Variants in ZNF18 observed in about 807,000 individuals in gnomAD.
The protein encoded by ZNF18 is zinc finger protein 18.
A neutral mutation model predicts 58.1 loss-of-function variants in ZNF18; 42 were observed. The observed-to-expected ratio is 0.72, with a 90% CI of 0.56 to 0.93. The LOEUF is 0.93. ZNF18 is among the 40% of genes least tolerant of loss of function. ZNF18 has a pLI of 0.00. For synonymous variants in ZNF18, 231 were observed against 239.8 expected, an observed-to-expected ratio of 0.96 and a Z score of 0.34; for missense variants, 540 against 644.2, an observed-to-expected ratio of 0.84 and a Z score of 1.75.
At chr17:12,010,620 GTT>G in the ZNF18 span, 1 of 153,618 alleles carries the variant, frequency 6.5e-6, no homozygotes, top group African/African-American at 2.4e-5. Context: ...GTTTCAGCAT[GTT>G]GGCCAGGATG....
At chr17:12,009,043 T>G in the ZNF18 span, 2 of 152,206 alleles carry the variant, frequency 1.3e-5, no homozygotes, top group East Asian at 3.9e-4. Context: ...CAGTGTTCAC[T>G]GGAGGAAATG....
chr17:12,013,636 G>T, the ZNF18 span, among the ~76,000 whole-genome samples: 3 of 152,152 alleles, frequency 2.0e-5, no homozygotes, highest in Admixed American at 2.0e-4. Flanking sequence ...CCTAATTTAG[G>T]TTTTTTCATT....
At chr17:12,013,689 G>A in the ZNF18 span, among the ~76,000 whole-genome samples, 1 of 151,962 alleles carries the variant, frequency 6.6e-6, no homozygotes, top group African/African-American at 2.4e-5. Flanking sequence ...TTTTTGTTGG[G>A]TATTCTTTAT....
chr17:11,999,253 T>C (rs1968616799), upstream of ZNF18, among the ~76,000 whole-genome samples: 1 of 152,240 alleles, frequency 6.6e-6, no homozygotes, highest in Non-Finnish European at 1.5e-5. Context: ...TTTGTGAATC[T>C]GATGGAAGGT....
At chr17:12,012,278 T>C in the ZNF18 span, among the ~76,000 whole-genome samples, 1 of 152,338 alleles carries the variant, frequency 6.6e-6, no homozygotes, top group Admixed American at 6.5e-5. Flanking sequence ...TAACAATATA[T>C]ATTGATAGTC....
At chr17:12,020,877 A>T in the ZNF18 span, 1 of 1,179,404 alleles carries the variant, frequency 8.5e-7, no homozygotes, top group African/African-American at 1.6e-5. Context: ...TCGGCTCTTC[A>T]CTCCCAACAA....
At chr17:12,009,451 T>C in the ZNF18 span, among the ~76,000 whole-genome samples, 2 of 151,614 alleles carry the variant, frequency 1.3e-5, no homozygotes. Flanking sequence ...CTTTTTTTTT[T>C]TTTTTCTTTT....
At chr17:12,013,505 G>T in the ZNF18 span, among the ~76,000 whole-genome samples, 4 of 152,064 alleles carry the variant, frequency 2.6e-5, no homozygotes, top group Non-Finnish European at 5.9e-5. Context: ...TAAAGTTTGA[G>T]CTATGGATTC....
intron 1 of ZNF18, among the ~76,000 whole-genome samples, chr17:11,994,383 T>C (rs943799017): frequency 2.0e-5 from 3 of 152,038 alleles, no homozygotes; most frequent in African/African-American, 7.3e-5. Context: ...ATGCAGGAGA[T>C]AGGGGCGCCA....
the ZNF18 span, among the ~76,000 whole-genome samples, chr17:12,018,962 A>T: frequency 6.7e-6 from 1 of 150,374 alleles, no homozygotes; most frequent in Non-Finnish European, 1.5e-5. Flanking sequence ...ATATATACAT[A>T]TTTTTTTTAA....
intron 4 of ZNF18, among the ~76,000 whole-genome samples, chr17:11,988,013 A>T (rs1014564453): frequency 3.9e-5 from 6 of 152,158 alleles, no homozygotes; most frequent in African/African-American, 1.4e-4. Flanking sequence ...TCCCAAGAGG[A>T]GTTCCTTCAA....
At chr17:12,017,862 A>C in the ZNF18 span, among the ~76,000 whole-genome samples, 4 of 147,392 alleles carry the variant, frequency 2.7e-5, no homozygotes, top group Middle Eastern at 7.0e-3. Context: ...GGGCAACAAG[A>C]GCGAAACACC....
the ZNF18 span, among the ~76,000 whole-genome samples, chr17:12,004,684 C>A: frequency 6.6e-6 from 1 of 152,006 alleles, no homozygotes; most frequent in Admixed American, 6.6e-5. Context: ...GTTGGGAGTT[C>A]GAAGCCAGCC....
At chr17:11,999,873 C>A (rs76994022), upstream of ZNF18, among the ~76,000 whole-genome samples, 1 of 152,154 alleles carries the variant, frequency 6.6e-6, no homozygotes, top group Non-Finnish European at 1.5e-5. Flanking sequence ...TTAATTAAGA[C>A]GCAAGCCTTG....
upstream of ZNF18, chr17:11,998,315 C>T (rs1022179879): frequency 2.0e-5 from 3 of 152,174 alleles, no homozygotes; most frequent in Middle Eastern, 3.2e-3. Flanking sequence ...ACTTGTGATA[C>T]TAAGTTGCAT....
chr17:11,989,035 T>C (rs1334150303), intron 4 of ZNF18, among the ~76,000 whole-genome samples: 1 of 152,094 alleles, frequency 6.6e-6, no homozygotes, highest in Non-Finnish European at 1.5e-5. Context: ...GGCACACGCC[T>C]GTAATCCCAG....
chr17:11,998,688 G>A (rs901609206), upstream of ZNF18, among the ~76,000 whole-genome samples: 2 of 152,130 alleles, frequency 1.3e-5, no homozygotes, highest in Admixed American at 1.3e-4. Context: ...TGCGGGGATG[G>A]GATTACATCT....
At chr17:11,982,657 A>AGTGTGTGTGTGT (rs143602913) in intron 6 of ZNF18, among the ~76,000 whole-genome samples, 3,716 of 136,722 alleles carry the variant, frequency 0.027, 103 homozygotes, top group Middle Eastern at 0.05. Context: ...TATATATAAA[A>AGTGTGTGTGTGT]GTGTGTGTGT....
At chr17:11,979,597 T>A (rs921032335) in intron 6 of ZNF18, among the ~76,000 whole-genome samples, 100 of 152,318 alleles carry the variant, frequency 6.6e-4, no homozygotes, top group African/African-American at 2.4e-3. Context: ...AGAAAATTTT[T>A]ATTTTGGTGG....
Sources: allele counts gnomAD v4.1 joint callset (sites outside exome capture counted in the v4.1 genomes callset), GRCh38; gene constraint gnomAD v4.1.1; transcripts MANE v1.5; gene names NCBI Gene and HGNC (gene_info 2026-07-23, HGNC 2026-07-21).